The following GULP1 variants were observed in gnomAD, a reference collection of about 807,000 sequenced individuals.
GULP1 encodes PTB domain-containing engulfment adapter protein 1.
GULP1 carries 19 observed loss-of-function variants against 40.9 expected under a neutral mutation model. The ratio of observed to expected loss-of-function variants is 0.46; its 90% CI spans 0.32 to 0.68. GULP1 has a LOEUF of 0.68. Ranked by LOEUF, GULP1 falls within the 30% of genes least tolerant of loss-of-function variation. GULP1 has a pLI of 0.03. For synonymous variants in GULP1, 119 were observed against 117.6 expected, an observed-to-expected ratio of 1.01 and a Z score of -0.08; for missense variants, 312 against 362.2, an observed-to-expected ratio of 0.86 and a Z score of 1.12.
chr2:188,423,198 C>G (rs897063951), intron 2 of GULP1, among the ~76,000 whole-genome samples: 1 of 152,172 alleles, frequency 6.6e-6, no homozygotes, highest in East Asian at 1.9e-4. Flanking sequence ...TTGCACCACA[C>G]TCAAAATAGC....
At chr2:188,587,429 A>G (rs761033000) in intron 10 of GULP1, among the ~76,000 whole-genome samples, 8 of 152,106 alleles carry the variant, frequency 5.3e-5, no homozygotes, top group Non-Finnish European at 8.8e-5. Context: ...TTACAAGTCT[A>G]CTTAGTCCTA....
intron 2 of GULP1, among the ~76,000 whole-genome samples, chr2:188,459,268 C>A (rs1037338948): frequency 1.3e-5 from 2 of 152,068 alleles, no homozygotes; most frequent in Non-Finnish European, 2.9e-5. Flanking sequence ...GAGGAACTTC[C>A]AAACTGTTCT....
chr2:188,560,987 A>G (rs1696107070), intron 7 of GULP1, among the ~76,000 whole-genome samples: 1 of 152,244 alleles, frequency 6.6e-6, no homozygotes, highest in Admixed American at 6.5e-5. Context: ...ACTGGAGATT[A>G]CAATTTAATA....
At chr2:188,576,813 G>T (rs985595618) in intron 9 of GULP1, among the ~76,000 whole-genome samples, 2 of 152,014 alleles carry the variant, frequency 1.3e-5, no homozygotes. Context: ...TTTTTGCTGT[G>T]TTTCAGTGGT....
At position 188,477,767 on chromosome 2, in the gene GULP1, C is replaced by T. The variant is rs367777352; in HGVS notation, c.28+37C>T. The T allele has an allele frequency of 2.6e-6, 4 of 1,511,164 alleles. No individual in the cohort carries two copies. In the South Asian group the frequency reaches 4.7e-5, roughly 18 times the overall value. The allele number at this position is 1,511,164 out of a possible 1,614,324, so 93.6% of individuals were successfully genotyped here. ...CATTTTTTAAAACTTGGGAGTCAAG[C>T]CAATGTTGCTATGAACATAAGCAGC... On this transcript the variant is annotated intron_variant, in intron 3 of 11. Transcript: ENST00000409830.
At chr2:188,447,354 T>A (rs1315332998) in intron 2 of GULP1, among the ~76,000 whole-genome samples, 1 of 152,198 alleles carries the variant, frequency 6.6e-6, no homozygotes, top group East Asian at 1.9e-4. Context: ...CATGATGGCA[T>A]GAACCAGTTT....
chr2:188,496,642 TTG>T (rs1361069846), intron 4 of GULP1, among the ~76,000 whole-genome samples: 1 of 151,902 alleles, frequency 6.6e-6, no homozygotes, highest in Non-Finnish European at 1.5e-5. Context: ...TTTTATATGC[TTG>T]TGTGTGAGTG....
rs540183620 is a variant in GULP1, at chr2:188,355,684, A to G, written c.-171-28079A>G. Among the ~76,000 whole-genome samples the G allele has an allele frequency of 3.3e-5, 5 of 152,230 alleles. No homozygotes were observed. The East Asian group carries it at 9.6e-4, about 29-fold the overall frequency. On this transcript the variant is annotated intron_variant, in intron 1 of 11. Coordinates refer to ENST00000409830, the MANE Select transcript of GULP1 (RefSeq NM_016315.4). ...TTCCTGTTTCCGTGAGGCCAGTATT[A>G]TCCTGATATCAAAACCTAACAAAGA...
chr2:188,329,801 T>C (rs942389326), intron 1 of GULP1, among the ~76,000 whole-genome samples: 4 of 152,130 alleles, frequency 2.6e-5, no homozygotes, highest in Non-Finnish European at 5.9e-5. Flanking sequence ...GGGTTCGTGA[T>C]GTATTTTGGC....
chr2:188,311,568 C>T (rs1328773166), intron 1 of GULP1, among the ~76,000 whole-genome samples: 1 of 151,934 alleles, frequency 6.6e-6, no homozygotes, highest in Admixed American at 6.6e-5. Flanking sequence ...TTTGACCAGT[C>T]ATTTAAAAGA....
chr2:188,582,756 G>A (rs1217606039), intron 9 of GULP1, among the ~76,000 whole-genome samples: 1 of 152,128 alleles, frequency 6.6e-6, no homozygotes, highest in Admixed American at 6.5e-5. Flanking sequence ...AGTAGAGGGT[G>A]GTGACAGTGT....
At chr2:188,463,132 C>T (rs1245486297) in intron 2 of GULP1, among the ~76,000 whole-genome samples, 1 of 152,066 alleles carries the variant, frequency 6.6e-6, no homozygotes, top group African/African-American at 2.4e-5. Context: ...ATTAACATTT[C>T]TTATTGCTCA....
chr2:188,486,507 T>A (rs2061874593), intron 4 of GULP1, among the ~76,000 whole-genome samples: 1 of 151,980 alleles, frequency 6.6e-6, no homozygotes, highest in Non-Finnish European at 1.5e-5. Context: ...TTATTCTCCC[T>A]GGAGAAATAT....
At chr2:188,464,896 G>A (rs140405890) in intron 2 of GULP1, among the ~76,000 whole-genome samples, 1,728 of 152,168 alleles carry the variant, frequency 0.011, 16 homozygotes, top group South Asian at 0.052. Flanking sequence ...AGACTCAACC[G>A]TCATGGCAGT....
At chr2:188,346,969 CA>C (rs111270430) in intron 1 of GULP1, among the ~76,000 whole-genome samples, 21,193 of 122,390 alleles carry the variant, frequency 0.17, 1,837 homozygotes, top group South Asian at 0.29. Flanking sequence ...GACTCCGTCT[CA>C]AAAAAAAAAA....
intron 7 of GULP1, among the ~76,000 whole-genome samples, chr2:188,553,855 A>G (rs150635767): frequency 4.9e-4 from 75 of 151,996 alleles, no homozygotes; most frequent in African/African-American, 1.4e-3. Context: ...CAGGTTTTCT[A>G]TTTCTTCCTG....
Position 188,325,275 on chromosome 2 carries a change from G to C in GULP1, c.-172+33109G>C, listed in dbSNP as rs758409394. Reference sequence around the variant, plus strand: ...AATGTATGAGGTCATAACAGTACTTGATGAACTCCTTAGAGAATGCAATGC... The same window carrying C: ...AATGTATGAGGTCATAACAGTACTTCATGAACTCCTTAGAGAATGCAATGC... On this transcript the variant is annotated intron_variant, in intron 1 of 11. Coordinates refer to ENST00000409830, the MANE Select transcript of GULP1 (RefSeq NM_016315.4). Among the ~76,000 whole-genome samples, 4 of 152,184 alleles carry C rather than the reference G, an allele frequency of 2.6e-5. No individual in the cohort carries two copies. The East Asian group carries it at 7.7e-4, about 29-fold the overall frequency.
At chr2:188,454,822 G>A (rs964525563) in intron 2 of GULP1, among the ~76,000 whole-genome samples, 11 of 152,136 alleles carry the variant, frequency 7.2e-5, no homozygotes, top group African/African-American at 2.7e-4. Flanking sequence ...TATGTCAGAA[G>A]AAACTTTAAG....
intron 7 of GULP1, among the ~76,000 whole-genome samples, chr2:188,543,618 A>G (rs1691124253): frequency 6.6e-6 from 1 of 152,140 alleles, no homozygotes; most frequent in African/African-American, 2.4e-5. Context: ...TTAAAATGGG[A>G]AATAAGTTAT....
Sources: allele counts gnomAD v4.1 joint callset (sites outside exome capture counted in the v4.1 genomes callset), GRCh38; gene constraint gnomAD v4.1.1; transcripts MANE v1.5; gene names NCBI Gene and HGNC (gene_info 2026-07-23, HGNC 2026-07-21).